Variants in CNTN4 observed in about 807,000 individuals in gnomAD.
The protein encoded by CNTN4 is contactin 4.
In CNTN4, 77 loss-of-function variants were observed where a neutral mutation model predicts 122.5. That is an observed-to-expected ratio of 0.63 (90% confidence interval 0.52 to 0.76). The LOEUF (loss-of-function observed/expected upper bound fraction) is 0.76, where lower values mean the gene tolerates loss of function less well. Ranked by LOEUF, CNTN4 falls within the 30% of genes least tolerant of loss-of-function variation. CNTN4 has a pLI of 0.00. For missense variants in CNTN4, 1,256 were observed against 1,259.1 expected (o/e 1.00, Z 0.04); for synonymous variants, 512 against 447.0 (o/e 1.15, Z -1.83).
chr3:2,266,242 A>T (rs538153736), intron 2 of CNTN4, among the ~76,000 whole-genome samples: 2 of 152,014 alleles, frequency 1.3e-5, no homozygotes, highest in Non-Finnish European at 2.9e-5. Flanking sequence ...TGTTCCTTCT[A>T]TACCCATTTT....
intron 2 of CNTN4, among the ~76,000 whole-genome samples, chr3:2,274,687 G>A (rs1348908206): frequency 6.6e-6 from 1 of 152,136 alleles, no homozygotes; most frequent in Admixed American, 6.6e-5. Flanking sequence ...AGATATCCCT[G>A]GGGAGGGAGG....
chr3:2,135,251 G>A (rs1469402330), intron 2 of CNTN4, among the ~76,000 whole-genome samples: 3 of 152,116 alleles, frequency 2.0e-5, no homozygotes, highest in Non-Finnish European at 2.9e-5. Flanking sequence ...ATAAAAGCTC[G>A]AGACAGGAAG....
intron 6 of CNTN4, among the ~76,000 whole-genome samples, chr3:2,782,952 A>T (rs1284537789): frequency 6.6e-6 from 1 of 152,212 alleles, no homozygotes; most frequent in East Asian, 1.9e-4. Context: ...TATGTCAGGG[A>T]TCCTAGAGAA....
At chr3:3,004,372 C>G (rs923251631) in intron 14 of CNTN4, among the ~76,000 whole-genome samples, 3 of 152,122 alleles carry the variant, frequency 2.0e-5, no homozygotes, top group African/African-American at 7.2e-5. Flanking sequence ...GAATAGTCCC[C>G]CCATCAGTCT....
intron 13 of CNTN4, chr3:2,927,583 A>G (rs1349629432): frequency 5.8e-6 from 1 of 172,272 alleles, no homozygotes; most frequent in Non-Finnish European, 1.2e-5. Flanking sequence ...CAACTGCTAC[A>G]GCTTAACCAT....
intron 4 of CNTN4, among the ~76,000 whole-genome samples, chr3:2,653,421 T>C (rs1045238947): frequency 6.6e-6 from 1 of 152,170 alleles, no homozygotes; most frequent in African/African-American, 2.4e-5. Flanking sequence ...TTTGGGTTCA[T>C]AGAGAAATAC....
At chr3:2,713,045 G>A (rs1165099704) in intron 4 of CNTN4, among the ~76,000 whole-genome samples, 1 of 152,176 alleles carries the variant, frequency 6.6e-6, no homozygotes, top group South Asian at 2.1e-4. Flanking sequence ...AGCCACTCTA[G>A]CAAATTAATT....
At chr3:2,417,022 CCTT>C (rs991164706) in intron 3 of CNTN4, among the ~76,000 whole-genome samples, 4 of 152,152 alleles carry the variant, frequency 2.6e-5, no homozygotes, top group Non-Finnish European at 4.4e-5. Flanking sequence ...TGAGAATTAA[CCTT>C]CTCAGTGGAG....
chr3:2,651,311 G>A (rs1367629004), intron 4 of CNTN4, among the ~76,000 whole-genome samples: 8 of 152,036 alleles, frequency 5.3e-5, no homozygotes, highest in South Asian at 2.1e-4. Flanking sequence ...TTGTGCTCCC[G>A]ATGATCCCTT....
intron 2 of CNTN4, among the ~76,000 whole-genome samples, chr3:2,260,455 A>G (rs1320135207): frequency 1.3e-5 from 2 of 152,118 alleles, no homozygotes; most frequent in Non-Finnish European, 2.9e-5. Context: ...TTCCAATTCA[A>G]GGTGTTATTA....
chr3:2,232,588 T>G (rs1215491732), intron 2 of CNTN4, among the ~76,000 whole-genome samples: 1 of 152,172 alleles, frequency 6.6e-6, no homozygotes, highest in Non-Finnish European at 1.5e-5. Context: ...GTATGCTGTT[T>G]TTAGTTTTTT....
chr3:2,119,734 G>A (rs2033596421), intron 2 of CNTN4, among the ~76,000 whole-genome samples: 2 of 152,136 alleles, frequency 1.3e-5, no homozygotes, highest in Non-Finnish European at 2.9e-5. Context: ...TAACCTACAG[G>A]TATCAAGTGC....
chr3:2,615,406 C>T (rs2081676004), intron 4 of CNTN4, among the ~76,000 whole-genome samples: 2 of 152,112 alleles, frequency 1.3e-5, no homozygotes, highest in African/African-American at 4.8e-5. Context: ...TTGAAATTCC[C>T]CCAGATCATT....
intron 3 of CNTN4, among the ~76,000 whole-genome samples, chr3:2,427,670 G>A (rs1332598128): frequency 6.6e-6 from 1 of 151,906 alleles, no homozygotes. Context: ...TTGACAGTGG[G>A]GTGTTAAAGT....
At chr3:2,668,559 C>G (rs1306676393) in intron 4 of CNTN4, among the ~76,000 whole-genome samples, 1 of 152,182 alleles carries the variant, frequency 6.6e-6, no homozygotes, top group South Asian at 2.1e-4. Context: ...TTGACTTCCT[C>G]TTTTCCTAAT....
At chr3:2,520,612 A>T (rs2077178986) in intron 3 of CNTN4, among the ~76,000 whole-genome samples, 1 of 152,002 alleles carries the variant, frequency 6.6e-6, no homozygotes, top group African/African-American at 2.4e-5. Context: ...ATACTCACTG[A>T]TTAATTGGGC....
chr3:2,988,597 A>G (rs1010954301), intron 14 of CNTN4, 125 bp downstream of exon 14: 4 of 970,014 alleles, frequency 4.1e-6, no homozygotes, highest in Non-Finnish European at 6.5e-6. Context: ...AAATTAATTC[A>G]TCACGGCAAA....
intron 2 of CNTN4, among the ~76,000 whole-genome samples, chr3:2,263,636 T>C (rs1407665174): frequency 6.6e-6 from 1 of 152,064 alleles, no homozygotes; most frequent in Non-Finnish European, 1.5e-5. Flanking sequence ...TTGGGAATAC[T>C]GCAAATCTTC....
chr3:2,276,471 G>A (rs111872895), intron 2 of CNTN4, among the ~76,000 whole-genome samples: 1 of 152,120 alleles, frequency 6.6e-6, no homozygotes, highest in African/African-American at 2.4e-5. Context: ...ACTGCGGCAG[G>A]CTTCTTTGCT....
Sources: allele counts gnomAD v4.1 joint callset (sites outside exome capture counted in the v4.1 genomes callset), GRCh38; gene constraint gnomAD v4.1.1; transcripts MANE v1.5; gene names NCBI Gene and HGNC (gene_info 2026-07-23, HGNC 2026-07-21).